Variants in IFT81 observed in about 807,000 individuals in gnomAD.
The protein encoded by IFT81 is intraflagellar transport protein 81 homolog.
A neutral mutation model predicts 102.6 loss-of-function variants in IFT81; 72 were observed. That is an observed-to-expected ratio of 0.70 (90% CI 0.58 to 0.85). The LOEUF is 0.85. Among genes scored for constraint, IFT81 ranks in the 40% least tolerant of loss-of-function variants. IFT81 has a pLI of 0.00. For missense variants in IFT81, 723 were observed against 787.3 expected (o/e 0.92, Z 0.98); for synonymous variants, 237 against 242.7 (o/e 0.98, Z 0.22).
At chr12:110,187,699 G>C (rs1014288854) in intron 12 of IFT81, among the ~76,000 whole-genome samples, 1 of 152,124 alleles carries the variant, frequency 6.6e-6, no homozygotes, top group Non-Finnish European at 1.5e-5. Flanking sequence ...CTATAAGGAG[G>C]ATTTAATTTT....
At chr12:110,128,676 A>G (rs1211763959) in intron 3 of IFT81, among the ~76,000 whole-genome samples, 1 of 150,662 alleles carries the variant, frequency 6.6e-6, no homozygotes, top group Non-Finnish European at 1.5e-5. Flanking sequence ...TGGTGCCTCT[A>G]GTCCCAGCTA....
At chr12:110,135,304 T>C (rs1267909403) in intron 6 of IFT81, 23 bp from the exon 7 acceptor site, 1 of 1,443,984 alleles carries the variant, frequency 6.9e-7, no homozygotes, top group Non-Finnish European at 9.6e-7. Flanking sequence ...CAGTAACATG[T>C]ACTACTTATT....
chr12:110,167,335 A>C (rs1052909100), intron 11 of IFT81, among the ~76,000 whole-genome samples: 2 of 152,204 alleles, frequency 1.3e-5, no homozygotes, highest in African/African-American at 4.8e-5. Context: ...CAGAGTTCTG[A>C]CATAAGTAGG....
chr12:110,195,681 C>T (rs887517061), intron 14 of IFT81, among the ~76,000 whole-genome samples: 8 of 152,168 alleles, frequency 5.3e-5, no homozygotes, highest in African/African-American at 1.7e-4. Flanking sequence ...TTAGATCCAG[C>T]GCTCATTACC....
chr12:110,132,660 C>A, intron 5 of IFT81, 24 bp downstream of exon 5: 1 of 1,274,570 alleles, frequency 7.8e-7, no homozygotes. Context: ...AACATAGTAA[C>A]AATTTTTTTG....
intron 11 of IFT81, among the ~76,000 whole-genome samples, chr12:110,175,571 T>G (rs1011472285): frequency 5.9e-5 from 9 of 152,230 alleles, no homozygotes; most frequent in Non-Finnish European, 1.3e-4. Context: ...AGAAATTTTT[T>G]AAAAAACTCG....
chr12:110,195,155 T>A (rs1339414057), intron 14 of IFT81, among the ~76,000 whole-genome samples: 1 of 152,150 alleles, frequency 6.6e-6, no homozygotes, highest in Non-Finnish European at 1.5e-5. Flanking sequence ...TGGCTTTCAA[T>A]TTTAAAGCCT....
chr12:110,163,614 C>CTTTT (rs895090240), intron 11 of IFT81, among the ~76,000 whole-genome samples: 1 of 126,130 alleles, frequency 7.9e-6, no homozygotes, highest in Non-Finnish European at 1.7e-5. Context: ...CAAATTTTCA[C>CTTTT]TTTTTTTTTT....
chr12:110,173,634 C>T (rs1239275642), intron 11 of IFT81, among the ~76,000 whole-genome samples: 2 of 152,194 alleles, frequency 1.3e-5, no homozygotes, highest in Non-Finnish European at 2.9e-5. Flanking sequence ...AATTCTTCTG[C>T]CTTGGGATCC....
Position 110,218,266 on chromosome 12 carries a change from A to T in IFT81, c.*40A>T. ...GTTTGGGGTTTTACTTGATACCACT[A>T]GCTATAAGCCTAATCTCATAATGTA... On this transcript the variant is annotated 3_prime_UTR_variant, in exon 19 of 19. Coordinates refer to ENST00000242591, the MANE Select transcript of IFT81 (RefSeq NM_014055.4). 7.0e-7 allele frequency: 1 copy of T among 1,430,686 alleles called. No homozygotes were observed. Among genetic ancestry groups the T allele is most frequent in the Non-Finnish European group, 9.4e-7 (1 of 1,069,212 alleles). The allele number at this position is 1,430,686 out of a possible 1,614,324, so 88.6% of individuals were successfully genotyped here.
intron 11 of IFT81, among the ~76,000 whole-genome samples, chr12:110,173,503 T>C (rs1423541311): frequency 6.6e-6 from 1 of 152,106 alleles, no homozygotes; most frequent in Non-Finnish European, 1.5e-5. Context: ...ATGACAATGG[T>C]GGTTTTGTGG....
rs141264819 is a variant in IFT81, at chr12:110,139,955, G to A, written c.781+3095G>A. Among the ~76,000 whole-genome samples, 1,189 of 151,158 alleles carry A rather than the reference G, an allele frequency of 7.9e-3. 2 individuals carry two copies. The highest frequency in any genetic ancestry group is 9.3e-3 in the Non-Finnish European group (630 of 67,820). The stretch of plus-strand genomic sequence containing the variant: ...GTGGTACATGCCGATAGTCCTAGCT[G>A]TCCAGGAGCCTGAGGCAGGAAGATC... On this transcript the variant is annotated intron_variant, in intron 8 of 18. Coordinates refer to ENST00000242591, the MANE Select transcript of IFT81 (RefSeq NM_014055.4).
At chr12:110,154,628 C>CA (rs201856295) in intron 10 of IFT81, among the ~76,000 whole-genome samples, 1,037 of 53,594 alleles carry the variant, frequency 0.019, 8 homozygotes, top group African/African-American at 0.049. Context: ...CTCTGTCTCA[C>CA]AAAAAAAAAA....
In IFT81 at chr12:110,139,626, T is replaced by A. The variant is rs895807943; in HGVS notation, c.781+2766T>A. Among the ~76,000 whole-genome samples the A allele has an allele frequency of 7.1e-4, 108 of 151,130 alleles. 1 individual carries two copies. Among genetic ancestry groups the A allele is most frequent in the African/African-American group, 2.4e-3 (97 of 41,252 alleles). On this transcript the variant is annotated intron_variant, in intron 8 of 18. Coordinates refer to ENST00000242591, the MANE Select transcript of IFT81 (RefSeq NM_014055.4). ...TCTCTACTAAAAAAATATAAAAAAT[T>A]AGCCGGGCATGGTGGCGGGTGCCTG...
chr12:110,210,160 A>G (rs1288201812), intron 18 of IFT81, among the ~76,000 whole-genome samples: 2 of 152,178 alleles, frequency 1.3e-5, no homozygotes, highest in South Asian at 2.1e-4. Flanking sequence ...GAAAAAACGT[A>G]TACTTACTAA....
chr12:110,159,827 G>C (rs1896043562), intron 10 of IFT81, among the ~76,000 whole-genome samples: 2 of 152,202 alleles, frequency 1.3e-5, no homozygotes. Flanking sequence ...AGGAACATGT[G>C]TTTGGGGCTG....
At chr12:110,211,985 G>A (rs113569761) in intron 18 of IFT81, among the ~76,000 whole-genome samples, 1,582 of 152,224 alleles carry the variant, frequency 0.01, 5 homozygotes, top group African/African-American at 0.014. Flanking sequence ...ATGAAAAAAT[G>A]TGGCTTCATT....
chr12:110,160,993 A>G (rs1896099930), intron 10 of IFT81, among the ~76,000 whole-genome samples: 1 of 152,082 alleles, frequency 6.6e-6, no homozygotes, highest in Admixed American at 6.6e-5. Context: ...TTTAGTGGGA[A>G]ATACCCTCAT....
At chr12:110,195,693 A>G (rs1308300507) in intron 14 of IFT81, among the ~76,000 whole-genome samples, 2 of 152,184 alleles carry the variant, frequency 1.3e-5, no homozygotes, top group African/African-American at 2.4e-5. Context: ...CTCATTACCA[A>G]TTCACTGACT....
Sources: gnomAD v4.1 joint callset for allele counts (sites outside exome capture counted in the v4.1 genomes callset) on GRCh38, gnomAD v4.1.1 for gene constraint, MANE v1.5 for transcripts, NCBI Gene and HGNC (gene_info 2026-07-23, HGNC 2026-07-21) for gene names.